ABHD17A: variants seen among roughly 807,000 people sequenced by gnomAD.
The protein encoded by ABHD17A is alpha/beta hydrolase domain-containing protein 17A.
In ABHD17A, 10 loss-of-function variants were observed where a neutral mutation model predicts 26.8. That is an observed-to-expected ratio of 0.37 (90% CI 0.23 to 0.63). The LOEUF (loss-of-function observed/expected upper bound fraction) is 0.63. ABHD17A is among the 30% of genes least tolerant of loss of function. The pLI, the probability that ABHD17A is intolerant of heterozygous loss-of-function variation, is 0.61. For missense variants in ABHD17A, 292 were observed against 457.3 expected, an observed-to-expected ratio of 0.64 and a Z score of 3.30; for synonymous variants, 167 against 210.9, an observed-to-expected ratio of 0.79 and a Z score of 1.80.
chr19:1,881,851 C>G, intron 1 of ABHD17A, 47 bp from the exon 2 acceptor site: 1 of 379,666 alleles, frequency 2.6e-6, no homozygotes, highest in Non-Finnish European at 4.6e-6. Context: ...GTGCCACAGT[C>G]CAGCTGGGCA....
chr19:1,877,086 G>C lies in ABHD17A; in HGVS notation c.*114C>G, dbSNP rs1228129799. 4.5e-6 allele frequency: 4 copies of C among 885,564 alleles called. No homozygotes were observed. In the African/African-American group the frequency reaches 6.6e-5, roughly 15 times the overall value. 54.9% of individuals were successfully genotyped at this position (885,564 alleles called of 1,614,324 possible). A position where few individuals can be genotyped will look rare whatever the true frequency, so the allele number is the denominator to read the frequency against. ...CATCGTCCACAGCCCCTGGGTCGGGGCGGGGTCCCCTGGGCCGCCCGGGGG... is the reference window on the plus strand; with the variant it reads ...CATCGTCCACAGCCCCTGGGTCGGGCCGGGGTCCCCTGGGCCGCCCGGGGG... On this transcript the variant is annotated 3_prime_UTR_variant, in exon 5 of 5. Transcript: ENST00000292577.
At position 1,884,828 on chromosome 19, in the gene ABHD17A, CG is replaced by C. The variant is rs2012633087; in HGVS notation, c.-239+523del. On this transcript the variant is annotated intron_variant, in intron 1 of 4. Transcript: ENST00000292577. ...CATCCTGGGAGAAATGGCGGGGCCG[CG>C]AAGAAGTCCCGAGCAAGCGATGGAC... Among the ~76,000 whole-genome samples, 4 of 152,106 alleles carry C rather than the reference CG, an allele frequency of 2.6e-5. No individual in the cohort carries two copies. In the South Asian group the frequency reaches 8.3e-4, roughly 32 times the overall value.
Position 1,879,795 on chromosome 19 carries a change from G to A in ABHD17A, c.527+126C>T. Reference sequence around the variant, plus strand: ...CGCCTGTCCGGCTCTCTGGCCCTGTGCATCCACTGTGGCTCCCCTCCTGCA... The same window carrying A: ...CGCCTGTCCGGCTCTCTGGCCCTGTACATCCACTGTGGCTCCCCTCCTGCA... On this transcript the variant is annotated intron_variant, in intron 3 of 4. Coordinates refer to ENST00000292577, the MANE Select transcript of ABHD17A (RefSeq NM_001130111.2). The surrounding 1 kb of genome is among the most constrained non-coding windows in gnomAD (Gnocchi z 7.6). 1 of 937,970 alleles carries A rather than the reference G, an allele frequency of 1.1e-6. No homozygotes were observed. Among genetic ancestry groups the A allele is most frequent in the South Asian group, 1.6e-5 (1 of 62,200 alleles). 58.1% of individuals were successfully genotyped at this position (937,970 alleles called of 1,614,324 possible).
At position 1,879,559 on chromosome 19, in the gene ABHD17A, G is replaced by C; in HGVS notation, c.527+362C>G. 1.5e-5 allele frequency: 5 copies of C among 323,606 alleles called. No individual in the cohort carries two copies. Among genetic ancestry groups the C allele is most frequent in the South Asian group, 6.2e-5 (2 of 32,302 alleles). The allele number at this position is 323,606 out of a possible 1,614,324, so 20.0% of individuals were successfully genotyped here. ...CTCACTTGGCCCCAAGTGCTGCCTC[G>C]GCCGATGGGCTCCCAGCCACACGTG... is the stretch of plus-strand genomic sequence containing the variant. On this transcript the variant is annotated intron_variant, in intron 3 of 4. Coordinates refer to ENST00000292577, the MANE Select transcript of ABHD17A (RefSeq NM_001130111.2). This position sits in a 1 kb window ranked among gnomAD's most constrained non-coding sequence, Gnocchi z 7.6.
chr19:1,881,654 T>C lies in ABHD17A; in HGVS notation c.-88A>G. The C allele has an allele frequency of 5.7e-6, 8 of 1,398,366 alleles. No individual in the cohort carries two copies. Among genetic ancestry groups the C allele is most frequent in the Non-Finnish European group, 7.4e-6 (8 of 1,085,700 alleles). The allele number at this position is 1,398,366 out of a possible 1,614,324, so 86.6% of individuals were successfully genotyped here. On this transcript the variant is annotated 5_prime_UTR_variant, in exon 2 of 5. Coordinates refer to ENST00000292577, the MANE Select transcript of ABHD17A (RefSeq NM_001130111.2). ...CCCGGCAGGGGAGGGGTGGGGGTGC[T>C]CCGAGTCGCGGGCAGGGGGGAGAGC...
At chr19:1,884,289 C>T (rs780853408) in intron 1 of ABHD17A, among the ~76,000 whole-genome samples, 20 of 152,110 alleles carry the variant, frequency 1.3e-4, no homozygotes, top group Non-Finnish European at 1.6e-4. Flanking sequence ...CCCCAAGGTC[C>T]GCCAGCTTTG....
Position 1,880,132 on chromosome 19 carries a change from A to G in ABHD17A, c.333-17T>C. 1 of 1,612,304 alleles carries G rather than the reference A, an allele frequency of 6.2e-7. No individual in the cohort carries two copies. The highest frequency in any genetic ancestry group is 8.5e-7 in the Non-Finnish European group (1 of 1,179,722). On this transcript the variant is annotated splice_polypyrimidine_tract_variant and intron_variant, in intron 2 of 4. Transcript: ENST00000292577. The surrounding 1 kb of genome is among the most constrained non-coding windows in gnomAD (Gnocchi z 4.1). ...ACCGTGTACCTGGGACAGGCCGAGAAGGGCCGTTCACATCCTCGCTCCCAG... is the reference window on the plus strand; with the variant it reads ...ACCGTGTACCTGGGACAGGCCGAGAGGGGCCGTTCACATCCTCGCTCCCAG...
chr19:1,881,169 C>T (rs1336624024), intron 2 of ABHD17A, 66 bp downstream of exon 2: 2 of 1,594,720 alleles, frequency 1.3e-6, no homozygotes, highest in Non-Finnish European at 1.7e-6. Context: ...ACACCAAGCA[C>T]CGCAGGCAGA....
intron 1 of ABHD17A, 28 bp from the exon 2 acceptor site, chr19:1,881,832 C>T: frequency 2.3e-6 from 1 of 434,230 alleles, no homozygotes; most frequent in Non-Finnish European, 3.9e-6. Flanking sequence ...CATGTGGGGT[C>T]CTTTGGGGGT....
At position 1,880,974 on chromosome 19, in the gene ABHD17A, G is replaced by A. The variant is rs746433957; in HGVS notation, c.332+261C>T. ...CTTGCCCAGCAGGCAACCACCAGGC[G>A]CTGGGTTGTTGGAGTCGCCCAGCCT... is the stretch of plus-strand genomic sequence containing the variant. On this transcript the variant is annotated intron_variant, in intron 2 of 4. Coordinates refer to ENST00000292577, the MANE Select transcript of ABHD17A (RefSeq NM_001130111.2). The surrounding 1 kb of genome is among the most constrained non-coding windows in gnomAD (Gnocchi z 4.1). 7.8e-5 allele frequency: 125 copies of A among 1,612,436 alleles called. No individual in the cohort carries two copies. The highest frequency in any genetic ancestry group is 5.3e-4 in the Admixed American group (32 of 59,980).
Position 1,881,669 on chromosome 19 carries a change from G to T in ABHD17A, c.-103C>A. The T allele has an allele frequency of 7.2e-7, 1 of 1,383,274 alleles. No homozygotes were observed. 85.7% of individuals were successfully genotyped at this position (1,383,274 alleles called of 1,614,324 possible). ...GTGGGGGTGCTCCGAGTCGCGGGCAGGGGGGAGAGCGCCCCCCCAGCTACC... is the reference window on the plus strand; with the variant it reads ...GTGGGGGTGCTCCGAGTCGCGGGCATGGGGGAGAGCGCCCCCCCAGCTACC... On this transcript the variant is annotated 5_prime_UTR_variant, in exon 2 of 5. In the 5' UTR this introduces an upstream ATG that the reference lacks. Coordinates refer to ENST00000292577, the MANE Select transcript of ABHD17A (RefSeq NM_001130111.2).
rs1296984199 is a variant in ABHD17A at position 1,880,507 on chromosome 19, C to T, written c.333-392G>A. Among the ~76,000 whole-genome samples, 1 of 152,202 alleles carries T rather than the reference C, an allele frequency of 6.6e-6. No homozygotes were observed. The highest frequency in any genetic ancestry group is 2.4e-5 in the African/African-American group (1 of 41,442). On this transcript the variant is annotated intron_variant, in intron 2 of 4. Coordinates refer to ENST00000292577, the MANE Select transcript of ABHD17A (RefSeq NM_001130111.2). The surrounding 1 kb of genome is among the most constrained non-coding windows in gnomAD (Gnocchi z 4.1). ...TTCCTCCTGGAAGAACCTGGACCCC[C>T]GGGGATGGAGCGCACAGGCCCACCT... is the stretch of plus-strand genomic sequence containing the variant.
intron 3 of ABHD17A, chr19:1,878,886 C>T (rs1188429413): frequency 6.6e-6 from 1 of 152,300 alleles, no homozygotes; most frequent in African/African-American, 2.4e-5. Context: ...CTCCCCCTCA[C>T]AGCTCTGGGC....
chr19:1,880,938 G>A lies in ABHD17A; in HGVS notation c.332+297C>T. On this transcript the variant is annotated intron_variant, in intron 2 of 4. Coordinates refer to ENST00000292577, the MANE Select transcript of ABHD17A (RefSeq NM_001130111.2). The surrounding 1 kb of genome is among the most constrained non-coding windows in gnomAD (Gnocchi z 4.1). ...GTACCCGCAGGCCAGGGCAGCCCCTGTGCCCCAGCTCTTGCCCAGCAGGCA... is the reference window on the plus strand; with the variant it reads ...GTACCCGCAGGCCAGGGCAGCCCCTATGCCCCAGCTCTTGCCCAGCAGGCA... 6.2e-7 allele frequency: 1 copy of A among 1,613,068 alleles called. No homozygotes were observed. The highest frequency in any genetic ancestry group is 8.5e-7 in the Non-Finnish European group (1 of 1,179,930).
Position 1,880,097 on chromosome 19 carries a change from C to T in ABHD17A, c.351G>A (p.Ser117=), listed in dbSNP as rs771889080. The T allele has an allele frequency of 8.1e-6, 13 of 1,612,980 alleles. No homozygotes were observed. The highest frequency in any genetic ancestry group is 5.3e-5 in the African/African-American group (4 of 74,938). The part of the protein sequence containing the change: ...VPGARYTVLF[S]HGNAVDLGQM... ...GGCCCAGGTCCACGGCATTGCCGTGCGAGAAGAGGACCGTGTACCTGGGAC... is the reference window on the plus strand; with the variant it reads ...GGCCCAGGTCCACGGCATTGCCGTGTGAGAAGAGGACCGTGTACCTGGGAC... The change falls in exon 3 of 5, where the codon TCG becomes TCA. Residue 117 remains serine, a synonymous_variant. Transcript: ENST00000292577. This position sits in a 1 kb window ranked among gnomAD's most constrained non-coding sequence, Gnocchi z 4.1.
chr19:1,885,451 T>G lies in ABHD17A; in HGVS notation c.-338A>C, dbSNP rs893648190. ...CCCTCCGCACCCCTGCCCGGCCTCC[T>G]GCACCGCCACCGCCGCAGCTCCCCC... is the stretch of plus-strand genomic sequence containing the variant. On this transcript the variant is annotated 5_prime_UTR_variant, in exon 1 of 5. Coordinates refer to ENST00000292577, the MANE Select transcript of ABHD17A (RefSeq NM_001130111.2). 3.3e-5 allele frequency: 5 copies of G among 152,134 alleles called. No homozygotes were observed. Among genetic ancestry groups the G allele is most frequent in the Admixed American group, 2.6e-4 (4 of 15,248 alleles). The allele number at this position is 152,134 out of a possible 1,614,324, so 9.4% of individuals were successfully genotyped here.
chr19:1,881,537 G>GC lies in ABHD17A; in HGVS notation c.29dup (p.Cys10TrpfsTer31). On this transcript the variant is annotated frameshift_variant, in exon 2 of 5. Coordinates refer to ENST00000292577, the MANE Select transcript of ABHD17A (RefSeq NM_001130111.2). LOFTEE classifies it high-confidence loss of function. ...GGCAGGGCGGGCAGCAGAAGAGGCAGCAGAGCTCACTCAGCGACAGCCCAT... is the reference window on the plus strand; with the variant it reads ...GGCAGGGCGGGCAGCAGAAGAGGCAGCCAGAGCTCACTCAGCGACAGCCCAT... The GC allele has an allele frequency of 1.2e-6, 2 of 1,603,162 alleles. No homozygotes were observed. Among genetic ancestry groups the GC allele is most frequent in the Non-Finnish European group, 1.7e-6 (2 of 1,178,486 alleles).
chr19:1,880,110 G>A lies in ABHD17A; in HGVS notation c.338C>T (p.Thr113Met), dbSNP rs780188216. ...GGCATTGCCGTGCGAGAAGAGGACC[G>A]TGTACCTGGGACAGGCCGAGAAGGG... ...YVRCVPGARY[T>M]VLFSHGNAVD... is the part of the protein sequence containing the mutation. Residue 113 changes from threonine to methionine, a missense_variant, in exon 3 of 5, where the codon ACG (threonine) becomes ATG (methionine). Physicochemically the swap from Thr to Met is moderately conservative, Grantham distance 81 (BLOSUM62 -1). Transcript: ENST00000292577. The surrounding 1 kb of genome is among the most constrained non-coding windows in gnomAD (Gnocchi z 4.1). 7 of 1,612,838 alleles carry A rather than the reference G, an allele frequency of 4.3e-6. No individual in the cohort carries two copies. Among genetic ancestry groups the A allele is most frequent in the Non-Finnish European group, 5.9e-6 (7 of 1,179,938 alleles).
chr19:1,879,627 C>T lies in ABHD17A; in HGVS notation c.527+294G>A, dbSNP rs1301551251. 2 of 489,172 alleles carry T rather than the reference C, an allele frequency of 4.1e-6. No individual in the cohort carries two copies. Among genetic ancestry groups the T allele is most frequent in the Non-Finnish European group, 7.5e-6 (2 of 267,292 alleles). 30.3% of individuals were successfully genotyped at this position (489,172 alleles called of 1,614,324 possible). On this transcript the variant is annotated intron_variant, in intron 3 of 4. Transcript: ENST00000292577. This position sits in a 1 kb window ranked among gnomAD's most constrained non-coding sequence, Gnocchi z 7.6. ...CCACCCACTCCCTCCCGCCGGGTGGCATCCACACCCCTGTGACAAGCTCAG... is the reference window on the plus strand; with the variant it reads ...CCACCCACTCCCTCCCGCCGGGTGGTATCCACACCCCTGTGACAAGCTCAG...
Sources: gnomAD v4.1 joint callset for allele counts (sites outside exome capture counted in the v4.1 genomes callset) on GRCh38, gnomAD v4.1.1 for gene constraint, Gnocchi (gnomAD v3.1) non-coding constraint, MANE v1.5 for transcripts, NCBI Gene and HGNC (gene_info 2026-07-23, HGNC 2026-07-21) for gene names.